The following TMEM40 variants were observed in gnomAD, a reference collection of about 807,000 sequenced individuals.
TMEM40 encodes the protein transmembrane protein 40.
A neutral mutation model predicts 40.8 loss-of-function variants in TMEM40; 34 were observed. The observed-to-expected ratio is 0.83, with a 90% CI of 0.63 to 1.11. The LOEUF (loss-of-function observed/expected upper bound fraction) is 1.11, where lower values mean the gene tolerates loss of function less well. Among genes scored for constraint, TMEM40 ranks in the 50% least tolerant of loss-of-function variants. The pLI is 0.00. For missense variants in TMEM40, 296 were observed against 280.2 expected (o/e 1.06, Z -0.40); for synonymous variants, 106 against 107.0 (o/e 0.99, Z 0.06).
intron 1 of TMEM40, among the ~76,000 whole-genome samples, chr3:12,757,051 T>C (rs894459649): frequency 6.6e-6 from 1 of 152,046 alleles, no homozygotes; most frequent in Non-Finnish European, 1.5e-5. Flanking sequence ...GAATCCTTAG[T>C]TGGAAAAATG....
intron 5 of TMEM40, among the ~76,000 whole-genome samples, chr3:12,740,066 T>G: frequency 6.8e-6 from 1 of 147,122 alleles, no homozygotes. Context: ...ACACAAATTA[T>G]AAATATTATA....
In TMEM40 at chr3:12,734,397, A is replaced by G. The variant is rs758190414; in HGVS notation, c.*377T>C. 2.8e-5 allele frequency: 6 copies of G among 214,918 alleles called. No homozygotes were observed. The highest frequency in any genetic ancestry group is 5.6e-5 in the Non-Finnish European group (6 of 107,716). 13.3% of individuals were successfully genotyped at this position (214,918 alleles called of 1,614,324 possible). ...CTCGGTAGCACCTGAGAGCGCATGC[A>G]GATAGCCTGGGATTTGAGAAAAACC... On this transcript the variant is annotated 3_prime_UTR_variant, in exon 12 of 12. Coordinates refer to ENST00000314124, the MANE Select transcript of TMEM40 (RefSeq NM_018306.4).
At chr3:12,767,852 G>A (rs549217307) in intron 1 of TMEM40, among the ~76,000 whole-genome samples, 14 of 152,124 alleles carry the variant, frequency 9.2e-5, no homozygotes, top group Non-Finnish European at 1.8e-4. Context: ...CTTTTAGGGA[G>A]GAATATGGTG....
At chr3:12,749,245 C>G (rs1241639733) in intron 2 of TMEM40, among the ~76,000 whole-genome samples, 1 of 152,050 alleles carries the variant, frequency 6.6e-6, no homozygotes, top group African/African-American at 2.4e-5. Context: ...AGGATGGTCT[C>G]GATCTCCTGA....
intron 3 of TMEM40, among the ~76,000 whole-genome samples, chr3:12,744,649 G>T (rs1338011652): frequency 6.6e-6 from 1 of 152,184 alleles, no homozygotes; most frequent in African/African-American, 2.4e-5. Flanking sequence ...ACAGGAGCTT[G>T]ATCAAGACTT....
chr3:12,750,532 C>A (rs1304815887), intron 1 of TMEM40, among the ~76,000 whole-genome samples: 1 of 152,180 alleles, frequency 6.6e-6, no homozygotes, highest in African/African-American at 2.4e-5. Flanking sequence ...TGATTCCTTG[C>A]CCTATTTCTT....
intron 8 of TMEM40, among the ~76,000 whole-genome samples, chr3:12,737,129 C>T (rs1234210042): frequency 2.0e-5 from 3 of 151,926 alleles, no homozygotes; most frequent in African/African-American, 7.3e-5. Context: ...ATCCTCTCAT[C>T]TCGGCCTCCC....
At chr3:12,768,922 GC>G (rs1456951619) in intron 1 of TMEM40, among the ~76,000 whole-genome samples, 61,759 of 119,600 alleles carry the variant, frequency 0.52, 16,356 homozygotes, top group Non-Finnish European at 0.58. Flanking sequence ...CGGGGCCGGG[GC>G]CGGGGCGGGG....
intron 4 of TMEM40, among the ~76,000 whole-genome samples, chr3:12,743,057 C>T (rs546438092): frequency 6.6e-6 from 1 of 152,336 alleles, no homozygotes; most frequent in East Asian, 1.9e-4. Context: ...TATTAAACAC[C>T]TTCTGTGTGG....
At chr3:12,738,851 T>C (rs569854111) in intron 5 of TMEM40, 1 of 454,726 alleles carries the variant, frequency 2.2e-6, no homozygotes, top group Non-Finnish European at 4.0e-6. Context: ...TCAGGTAAAC[T>C]TCCCAATTAT....
At chr3:12,768,847 AGC>A (rs1434625500) in intron 1 of TMEM40, among the ~76,000 whole-genome samples, 2 of 148,766 alleles carry the variant, frequency 1.3e-5, no homozygotes, top group African/African-American at 5.0e-5. Context: ...AGCAGGGGGC[AGC>A]GCTCATTGGG....
At chr3:12,738,035 C>T in intron 7 of TMEM40, 101 bp downstream of exon 7, 1 of 1,437,876 alleles carries the variant, frequency 7.0e-7, no homozygotes, top group South Asian at 1.2e-5. Flanking sequence ...CGACAGCATC[C>T]CTGCTGGGAC....
chr3:12,742,607 T>C, intron 4 of TMEM40, 100 bp from the exon 5 acceptor site: 1 of 1,407,462 alleles, frequency 7.1e-7, no homozygotes, highest in African/African-American at 1.4e-5. Flanking sequence ...ACCACAGTCC[T>C]TGTGCTGGAG....
At chr3:12,763,244 C>T (rs1037814758), upstream of TMEM40, among the ~76,000 whole-genome samples, 4 of 151,854 alleles carry the variant, frequency 2.6e-5, no homozygotes, top group Non-Finnish European at 4.4e-5. Context: ...TTCTGTTTGC[C>T]TCCTACTCCC....
chr3:12,738,003 G>T, intron 7 of TMEM40, 133 bp downstream of exon 7: 1 of 1,200,782 alleles, frequency 8.3e-7, no homozygotes, highest in Non-Finnish European at 1.2e-6. Flanking sequence ...TCCCCCTTCT[G>T]AATCATAGTG....
chr3:12,748,074 G>T (rs1221967791), intron 3 of TMEM40, among the ~76,000 whole-genome samples: 1 of 152,130 alleles, frequency 6.6e-6, no homozygotes, highest in Admixed American at 6.6e-5. Flanking sequence ...CCTGGGAGGG[G>T]AAGACCATAA....
intron 1 of TMEM40, among the ~76,000 whole-genome samples, chr3:12,754,052 G>A (rs1465762306): frequency 6.6e-6 from 1 of 152,210 alleles, no homozygotes; most frequent in Non-Finnish European, 1.5e-5. Context: ...AATTTGCGCA[G>A]GTCATGGAGC....
intron 4 of TMEM40, 76 bp from the exon 5 acceptor site, chr3:12,742,583 G>A (rs2061392600): frequency 6.5e-6 from 10 of 1,543,444 alleles, no homozygotes; most frequent in South Asian, 3.4e-5. Flanking sequence ...CCATGGCTTC[G>A]ACGCTTAAGA....
intron 1 of TMEM40, among the ~76,000 whole-genome samples, chr3:12,752,596 A>G (rs1025704760): frequency 6.6e-6 from 1 of 152,098 alleles, no homozygotes; most frequent in Non-Finnish European, 1.5e-5. Context: ...CAGGAGATCG[A>G]GACCATCCTG....
Sources: gnomAD v4.1 joint callset for allele counts (sites outside exome capture counted in the v4.1 genomes callset) on GRCh38, gnomAD v4.1.1 for gene constraint, MANE v1.5 for transcripts, NCBI Gene and HGNC (gene_info 2026-07-23, HGNC 2026-07-21) for gene names.